Variants in SMYD3 observed in about 807,000 individuals in gnomAD.
SMYD3 encodes SET and MYND domain containing 3.
A neutral mutation model predicts 57.7 loss-of-function variants in SMYD3; 36 were observed. The ratio of observed to expected loss-of-function variants is 0.62; its 90% CI spans 0.48 to 0.82. The LOEUF (loss-of-function observed/expected upper bound fraction) is 0.82, where lower values mean the gene tolerates loss of function less well. Ranked by LOEUF, SMYD3 falls within the 40% of genes least tolerant of loss-of-function variation. SMYD3 has a pLI of 0.00. For synonymous variants in SMYD3, 211 were observed against 195.0 expected (o/e 1.08, Z -0.68); for missense variants, 515 against 538.8 (o/e 0.96, Z 0.44).
chr1:245,805,899 C>G (rs1428325458), intron 10 of SMYD3, among the ~76,000 whole-genome samples: 1 of 152,162 alleles, frequency 6.6e-6, no homozygotes, highest in Non-Finnish European at 1.5e-5. Flanking sequence ...TTTATATTCC[C>G]AAGTTCCTTC....
chr1:246,340,063 T>TTAAA (rs1462153729), intron 2 of SMYD3, among the ~76,000 whole-genome samples: 40 of 152,068 alleles, frequency 2.6e-4, no homozygotes, highest in African/African-American at 9.7e-4. Flanking sequence ...AACCACTGAG[T>TTAAA]TAAACTAAAT....
intron 5 of SMYD3, among the ~76,000 whole-genome samples, chr1:246,225,930 A>C (rs6669193): frequency 0.27 from 40,587 of 152,114 alleles, 6,122 homozygotes; most frequent in East Asian, 0.58. Flanking sequence ...TGCTCTTCTA[A>C]CTGGAAATGG....
intron 1 of SMYD3, among the ~76,000 whole-genome samples, chr1:246,390,848 A>G (rs1048367842): frequency 6.6e-6 from 1 of 152,220 alleles, no homozygotes; most frequent in Non-Finnish European, 1.5e-5. Context: ...ACAGCACTAG[A>G]GCAACAACAA....
intron 5 of SMYD3, among the ~76,000 whole-genome samples, chr1:246,260,080 A>T (rs2063975812): frequency 1.3e-5 from 2 of 152,186 alleles, no homozygotes; most frequent in South Asian, 4.1e-4. Flanking sequence ...CTGGGCATGG[A>T]GCAGAGAGAG....
At chr1:246,158,862 A>G (rs1221289758) in intron 5 of SMYD3, among the ~76,000 whole-genome samples, 1 of 152,224 alleles carries the variant, frequency 6.6e-6, no homozygotes, top group Non-Finnish European at 1.5e-5. Flanking sequence ...ACATCAGCAT[A>G]GTTCTCAGTA....
intron 1 of SMYD3, among the ~76,000 whole-genome samples, chr1:246,473,445 G>A (rs1015189368): frequency 7.2e-5 from 11 of 152,044 alleles, no homozygotes; most frequent in African/African-American, 2.7e-4. Context: ...AGTGTTTTTG[G>A]ACTAGCTCTG....
chr1:246,030,628 T>G lies in SMYD3; in HGVS notation c.532-100691A>C, dbSNP rs191370955. ...TGATCACTCTGATTTGATCATTACA[T>G]ATTATATACACATATGAAAATATCA... On this transcript the variant is annotated intron_variant, in intron 5 of 11. Transcript: ENST00000490107. Among the ~76,000 whole-genome samples the G allele has an allele frequency of 1.4e-4, 21 of 152,352 alleles. No individual in the cohort carries two copies. In the East Asian group the frequency reaches 3.3e-3, roughly 24 times the overall value.
intron 10 of SMYD3, among the ~76,000 whole-genome samples, chr1:245,807,807 C>T (rs1480234059): frequency 6.7e-6 from 1 of 149,640 alleles, no homozygotes; most frequent in Non-Finnish European, 1.5e-5. Context: ...TTTGTAATTT[C>T]CCAGGGAAAA....
chr1:246,343,353 A>ATTATCAAAT (rs1213191936), intron 2 of SMYD3, among the ~76,000 whole-genome samples: 1 of 152,228 alleles, frequency 6.6e-6, no homozygotes, highest in Non-Finnish European at 1.5e-5. Flanking sequence ...AAAACAAGTA[A>ATTATCAAAT]TTATCAAATT....
intron 5 of SMYD3, among the ~76,000 whole-genome samples, chr1:246,272,101 A>C (rs1194383891): frequency 2.6e-5 from 4 of 152,172 alleles, no homozygotes. Flanking sequence ...TTTGTGTATA[A>C]AAATGCAACG....
chr1:245,783,519 T>G (rs548422785), intron 10 of SMYD3, among the ~76,000 whole-genome samples: 1 of 151,958 alleles, frequency 6.6e-6, no homozygotes, highest in Non-Finnish European at 1.5e-5. Flanking sequence ...ATACTCATAT[T>G]GAACATAATA....
At chr1:246,107,238 G>C (rs1209273254) in intron 5 of SMYD3, among the ~76,000 whole-genome samples, 3 of 151,450 alleles carry the variant, frequency 2.0e-5, no homozygotes, top group Non-Finnish European at 4.4e-5. Flanking sequence ...AGTGAGCCGA[G>C]ATTGCGCCAC....
chr1:246,476,609 C>G (rs978867367), intron 1 of SMYD3, among the ~76,000 whole-genome samples: 8 of 152,164 alleles, frequency 5.3e-5, no homozygotes, highest in Middle Eastern at 3.2e-3. Context: ...AGCAAAGAGG[C>G]AATTATATCT....
At chr1:246,239,723 C>T (rs981527958) in intron 5 of SMYD3, among the ~76,000 whole-genome samples, 7 of 152,010 alleles carry the variant, frequency 4.6e-5, no homozygotes, top group Non-Finnish European at 7.4e-5. Flanking sequence ...TAAAAGTGTT[C>T]GTATTTCTCC....
intron 5 of SMYD3, among the ~76,000 whole-genome samples, chr1:245,960,052 T>TACAGGTGTGAGCC (rs2057959857): frequency 6.6e-6 from 1 of 152,222 alleles, no homozygotes; most frequent in Non-Finnish European, 1.5e-5. Context: ...GTGCTGGGAT[T>TACAGGTGTGAGCC]ACAGGTGTGA....
At chr1:246,405,557 T>C (rs753081784) in intron 1 of SMYD3, among the ~76,000 whole-genome samples, 3 of 152,090 alleles carry the variant, frequency 2.0e-5, no homozygotes, top group Non-Finnish European at 4.4e-5. Context: ...GGTTGAGGCT[T>C]CTCTTAAGTG....
intron 5 of SMYD3, among the ~76,000 whole-genome samples, chr1:246,106,421 T>C (rs1398649982): frequency 6.6e-6 from 1 of 152,252 alleles, no homozygotes; most frequent in East Asian, 1.9e-4. Flanking sequence ...TTTCTGAACT[T>C]ACCCATTTCT....
intron 1 of SMYD3, chr1:246,426,241 C>T (rs1044320479): frequency 5.3e-5 from 8 of 152,076 alleles, no homozygotes; most frequent in African/African-American, 1.9e-4. Flanking sequence ...TTTTTAACGA[C>T]TTTATTGAGA....
intron 10 of SMYD3, among the ~76,000 whole-genome samples, chr1:245,786,233 C>A (rs1428629122): frequency 1.2e-4 from 17 of 144,092 alleles, no homozygotes; most frequent in East Asian, 2.1e-4. Flanking sequence ...ATGGTGGCAA[C>A]AGAATATTAA....
Sources: gnomAD v4.1 joint callset for allele counts (sites outside exome capture counted in the v4.1 genomes callset) on GRCh38, gnomAD v4.1.1 for gene constraint, MANE v1.5 for transcripts, NCBI Gene and HGNC (gene_info 2026-07-23, HGNC 2026-07-21) for gene names.